LYPLA1: variants seen among roughly 807,000 people sequenced by gnomAD.
The protein encoded by LYPLA1 is acyl-protein thioesterase 1.
In LYPLA1, 17 loss-of-function variants were observed where a neutral mutation model predicts 34.0. The observed-to-expected ratio is 0.50, with a 90% CI of 0.34 to 0.75. The LOEUF is 0.75. Among genes scored for constraint, LYPLA1 ranks in the 30% least tolerant of loss-of-function variants. The probability of loss-of-function intolerance (pLI) is 0.01; values close to 1 mark genes in which losing one functional copy is unlikely to be tolerated. For synonymous variants in LYPLA1, 98 were observed against 100.8 expected (o/e 0.97, Z 0.17); for missense variants, 203 against 288.8 (o/e 0.70, Z 2.15).
rs1298191425 is a variant in LYPLA1 at position 54,101,759 on chromosome 8, G to C, written c.65C>G (p.Ala22Gly). Reference sequence around the variant, plus strand: ...GCCCACGCCTACGCCACTCACCGCAGCGGTGGCCTTCCGGGCGGCGGGCAC... The same window carrying C: ...GCCCACGCCTACGCCACTCACCGCACCGGTGGCCTTCCGGGCGGCGGGCAC... ...AIVPAARKAT[A>G]AVIFLHGLGD... Residue 22 changes from alanine (A) to glycine (G), a missense_variant, in exon 1 of 9, where the codon GCT becomes GGT. Coordinates refer to ENST00000316963, the MANE Select transcript of LYPLA1 (RefSeq NM_006330.4). The C allele has an allele frequency of 7.7e-7, 1 of 1,303,102 alleles. No individual in the cohort carries two copies. Among genetic ancestry groups the C allele is most frequent in the African/African-American group, 1.5e-5 (1 of 65,528 alleles). 80.7% of individuals were successfully genotyped at this position (1,303,102 alleles called of 1,614,324 possible).
chr8:54,095,743 C>T (rs568140321), intron 2 of LYPLA1, among the ~76,000 whole-genome samples: 69 of 151,114 alleles, frequency 4.6e-4, no homozygotes, highest in Middle Eastern at 3.2e-3. Flanking sequence ...AAGTAACTGG[C>T]TTACACTTTT....
At chr8:54,051,793 T>C (rs1379976428) in intron 7 of LYPLA1, among the ~76,000 whole-genome samples, 1 of 151,816 alleles carries the variant, frequency 6.6e-6, no homozygotes, top group Non-Finnish European at 1.5e-5. Flanking sequence ...CAGCTTTTTT[T>C]TGTTTGTTTG....
chr8:54,094,012 C>T (rs936010034), intron 2 of LYPLA1, among the ~76,000 whole-genome samples: 2 of 152,228 alleles, frequency 1.3e-5, no homozygotes, highest in African/African-American at 2.4e-5. Context: ...TTCTTGATTA[C>T]AGGAAGACTT....
intron 2 of LYPLA1, among the ~76,000 whole-genome samples, chr8:54,082,145 A>T (rs1354058002): frequency 1.3e-5 from 2 of 152,204 alleles, no homozygotes; most frequent in Non-Finnish European, 2.9e-5. Flanking sequence ...ACATACCACC[A>T]CACAGATCAA....
chr8:54,084,133 A>AAAAAAAAAAAAAAAAAATATATATAT (rs1373090573), intron 2 of LYPLA1, among the ~76,000 whole-genome samples: 1 of 120,484 alleles, frequency 8.3e-6, no homozygotes, highest in African/African-American at 4.6e-5. Flanking sequence ...AGAAAAAAAA[A>AAAAAAAAAAAAAAAAAATATATATAT]ATAAATAAAT....
At chr8:54,065,972 T>A (rs185351273) in intron 2 of LYPLA1, among the ~76,000 whole-genome samples, 159 bp from the exon 3 acceptor site, 2 of 152,356 alleles carry the variant, frequency 1.3e-5, no homozygotes, top group East Asian at 3.9e-4. Flanking sequence ...CGTCTCGCTC[T>A]GTCGCCCAGG....
intron 2 of LYPLA1, chr8:54,100,590 C>T (rs1471329048): frequency 3.0e-6 from 1 of 331,254 alleles, no homozygotes; most frequent in Non-Finnish European, 5.6e-6. Context: ...ATTTTAACTG[C>T]TCTGGAAAGC....
intron 6 of LYPLA1, among the ~76,000 whole-genome samples, chr8:54,054,198 G>A (rs1277525911): frequency 6.6e-6 from 1 of 152,054 alleles, no homozygotes; most frequent in Non-Finnish European, 1.5e-5. Context: ...GGCTGGGCTG[G>A]TCTCGAACTC....
At chr8:54,058,591 A>ACT (rs371046109) in intron 5 of LYPLA1, among the ~76,000 whole-genome samples, 1 of 150,962 alleles carries the variant, frequency 6.6e-6, no homozygotes, top group Non-Finnish European at 1.5e-5. Flanking sequence ...GCTCGCTCAC[A>ACT]CTCTCTCTCT....
chr8:54,089,495 G>GC lies in LYPLA1; in HGVS notation c.101+11412_101+11413insG, dbSNP rs1554549488. 2.1e-5 allele frequency among the ~76,000 whole-genome samples: 3 copies of GC among 145,956 alleles called. 1 individual carries two copies. Among genetic ancestry groups the GC allele is most frequent in the South Asian group, 4.3e-4 (2 of 4,698 alleles). ...TCTCTGTGATTTCAGACATCCCTGGGGGGGGGCGGGATCTTTGAACATATG... is the reference window on the plus strand; with the variant it reads ...TCTCTGTGATTTCAGACATCCCTGGGCGGGGGGCGGGATCTTTGAACATATG... On this transcript the variant is annotated intron_variant, in intron 2 of 8. Coordinates refer to ENST00000316963, the MANE Select transcript of LYPLA1 (RefSeq NM_006330.4).
Position 54,063,364 on chromosome 8 carries a change from G to T in LYPLA1, c.179C>A (p.Pro60His). 1 of 1,534,572 alleles carries T rather than the reference G, an allele frequency of 6.5e-7. No homozygotes were observed. Among genetic ancestry groups the T allele is most frequent in the East Asian group, 2.4e-5 (1 of 41,028 alleles). Reference protein sequence around the residue: ...KYICPHAPVRPVTLNMNVAMP... With the variant: ...KYICPHAPVRHVTLNMNVAMP... ...AGCCACGTTCATATTTAATGTAACA[G>T]GCCTAACAGGCCTACATGGAAAAGA... The change falls in exon 4 of 9, where the codon CCT (proline) becomes CAT (histidine). Residue 60 changes from proline (P) to histidine (H), a missense_variant. Physicochemically the swap from Pro to His is moderately conservative, Grantham distance 77 (BLOSUM62 -2). Transcript: ENST00000316963.
At chr8:54,067,828 C>T (rs967913206) in intron 2 of LYPLA1, among the ~76,000 whole-genome samples, 33 of 151,372 alleles carry the variant, frequency 2.2e-4, no homozygotes, top group African/African-American at 6.5e-4. Flanking sequence ...CCCGAGTAGG[C>T]GCCCGCCACC....
chr8:54,061,183 C>T (rs551934922), intron 5 of LYPLA1, among the ~76,000 whole-genome samples: 3 of 151,624 alleles, frequency 2.0e-5, no homozygotes, highest in Admixed American at 6.6e-5. Context: ...TGGGTTCAAG[C>T]GATTCTCCTG....
intron 2 of LYPLA1, among the ~76,000 whole-genome samples, chr8:54,072,412 T>C (rs926373152): frequency 1.3e-5 from 2 of 152,262 alleles, no homozygotes; most frequent in Admixed American, 1.3e-4. Context: ...AAGGAGCTAT[T>C]GCACAGCAAA....
At chr8:54,043,638 G>A (rs1173409398), downstream of LYPLA1, among the ~76,000 whole-genome samples, 1 of 151,696 alleles carries the variant, frequency 6.6e-6, no homozygotes, top group African/African-American at 2.4e-5. Context: ...TGCAAAATCG[G>A]TTCACTACAG....
chr8:54,085,076 A>G (rs1273318459), intron 2 of LYPLA1, among the ~76,000 whole-genome samples: 1 of 152,008 alleles, frequency 6.6e-6, no homozygotes, highest in African/African-American at 2.4e-5. Context: ...TACTGCCGCC[A>G]TCTCGGCTCA....
At position 54,084,138 on chromosome 8, in the gene LYPLA1, ATAAATAT is replaced by A. The variant is rs1330393502; in HGVS notation, c.101+16763_101+16769del. Reference sequence around the variant, plus strand: ...GGGAGACCAAAGAAAAAAAAAATAAATAAATATATATATATATATATATATAAAATAA... The same window carrying A: ...GGGAGACCAAAGAAAAAAAAAATAAAATATATATATATATATATAAAATAA... On this transcript the variant is annotated intron_variant, in intron 2 of 8. Transcript: ENST00000316963. 3.0e-5 allele frequency among the ~76,000 whole-genome samples: 4 copies of A among 131,150 alleles called. 2 individuals carry two copies. The highest frequency in any genetic ancestry group is 1.3e-4 in the African/African-American group (4 of 29,926). The allele number at this position is 131,150 out of a possible 152,430, so 86.0% of individuals were successfully genotyped here.
chr8:54,089,499 G>A (rs1332962956), intron 2 of LYPLA1, among the ~76,000 whole-genome samples: 1 of 143,830 alleles, frequency 7.0e-6, no homozygotes, highest in Non-Finnish European at 1.5e-5. Context: ...CCCTGGGGGG[G>A]GGCGGGATCT....
chr8:54,047,052 A>G lies in LYPLA1; in HGVS notation c.*1013T>C, dbSNP rs1563547576. The G allele has an allele frequency of 2.0e-5, 3 of 152,184 alleles. No individual in the cohort carries two copies. The highest frequency in any genetic ancestry group is 6.5e-5 in the Admixed American group (1 of 15,276). 9.4% of individuals were successfully genotyped at this position (152,184 alleles called of 1,614,324 possible). ...CTCTATACTATGAGAAGATGAAATC[A>G]TCTTAGAAGTTAGTTTTTAAGATCA... is the stretch of plus-strand genomic sequence containing the variant. On this transcript the variant is annotated 3_prime_UTR_variant, in exon 9 of 9. Coordinates refer to ENST00000316963, the MANE Select transcript of LYPLA1 (RefSeq NM_006330.4).
Sources: gnomAD v4.1 joint callset for allele counts (sites outside exome capture counted in the v4.1 genomes callset) on GRCh38, gnomAD v4.1.1 for gene constraint, MANE v1.5 for transcripts, NCBI Gene and HGNC (gene_info 2026-07-23, HGNC 2026-07-21) for gene names.